AGBL4: variants seen among roughly 807,000 people sequenced by gnomAD.
The protein encoded by AGBL4 is cytosolic carboxypeptidase 6.
Under a neutral mutation model 66.4 loss-of-function variants are expected in AGBL4, and 58 were observed. The ratio of observed to expected loss-of-function variants is 0.87; its 90% CI spans 0.71 to 1.09. The LOEUF (loss-of-function observed/expected upper bound fraction) is 1.09, where lower values mean the gene tolerates loss of function less well. AGBL4 is among the 50% of genes least tolerant of loss of function. The pLI is 0.00. For missense variants in AGBL4, 579 were observed against 631.0 expected (o/e 0.92, Z 0.88); for synonymous variants, 234 against 222.9 (o/e 1.05, Z -0.44).
intron 1 of AGBL4, among the ~76,000 whole-genome samples, chr1:50,000,719 C>A (rs1023818282): frequency 2.0e-5 from 3 of 152,056 alleles, no homozygotes; most frequent in African/African-American, 7.2e-5. Flanking sequence ...ATATATACAC[C>A]ATGGAATACT....
At chr1:49,377,789 TA>T (rs1644502612) in intron 3 of AGBL4, among the ~76,000 whole-genome samples, 1 of 152,042 alleles carries the variant, frequency 6.6e-6, no homozygotes, top group Admixed American at 6.6e-5. Context: ...TGAGCTAAGA[TA>T]ATTCAAATGT....
At chr1:48,819,922 A>C (rs2148768882) in intron 6 of AGBL4, among the ~76,000 whole-genome samples, 1 of 152,300 alleles carries the variant, frequency 6.6e-6, no homozygotes, top group East Asian at 1.9e-4. Flanking sequence ...ATTGAGCCTA[A>C]AATGGGCTCT....
At chr1:48,866,190 C>A (rs1373194321) in intron 6 of AGBL4, among the ~76,000 whole-genome samples, 1 of 152,186 alleles carries the variant, frequency 6.6e-6, no homozygotes, top group Non-Finnish European at 1.5e-5. Context: ...ATATCTCAGT[C>A]TCTTTGAAAG....
At chr1:48,681,765 C>T (rs1570239203) in intron 6 of AGBL4, among the ~76,000 whole-genome samples, 2 of 152,228 alleles carry the variant, frequency 1.3e-5, no homozygotes, top group African/African-American at 4.8e-5. Context: ...GATGCGTTAC[C>T]TCACTCTTGG....
chr1:49,098,397 A>AGACCCAATATAGCACTGAGAAT, intron 4 of AGBL4, among the ~76,000 whole-genome samples: 1 of 152,178 alleles, frequency 6.6e-6, no homozygotes, highest in Non-Finnish European at 1.5e-5. Context: ...GCACTGAGAA[A>AGACCCAATATAGCACTGAGAAT]AGTCCCAGAG....
chr1:48,773,335 T>G (rs1200536856), intron 6 of AGBL4, among the ~76,000 whole-genome samples: 2 of 152,104 alleles, frequency 1.3e-5, no homozygotes, highest in Non-Finnish European at 2.9e-5. Flanking sequence ...AATGAGTAGT[T>G]CTCACTTTCA....
intron 4 of AGBL4, among the ~76,000 whole-genome samples, chr1:49,135,680 T>TCG (rs1645996945): frequency 6.6e-6 from 1 of 152,198 alleles, no homozygotes; most frequent in Admixed American, 6.6e-5. Context: ...AAGGCACAGA[T>TCG]CGCTCATGCT....
At chr1:48,538,410 G>A (rs1464288411) in intron 12 of AGBL4, among the ~76,000 whole-genome samples, 1 of 152,166 alleles carries the variant, frequency 6.6e-6, no homozygotes, top group Admixed American at 6.5e-5. Flanking sequence ...CCCATTTATA[G>A]GTAAGTAGAA....
intron 2 of AGBL4, among the ~76,000 whole-genome samples, chr1:49,754,273 T>A (rs1055125905): frequency 7.4e-5 from 11 of 149,620 alleles, no homozygotes; most frequent in Non-Finnish European, 1.0e-4. Context: ...GTTCTTTTTT[T>A]TTTTTATTTT....
intron 6 of AGBL4, among the ~76,000 whole-genome samples, chr1:48,862,619 A>G (rs1237111040): frequency 6.6e-6 from 1 of 152,116 alleles, no homozygotes; most frequent in Non-Finnish European, 1.5e-5. Flanking sequence ...CTGTGCCCAG[A>G]CTAAAAGTCA....
chr1:48,694,814 A>C (rs1434395454), intron 6 of AGBL4, among the ~76,000 whole-genome samples: 1 of 151,366 alleles, frequency 6.6e-6, no homozygotes, highest in Non-Finnish European at 1.5e-5. Context: ...CAGCTGCCCG[A>C]CCCCCAATAA....
intron 3 of AGBL4, among the ~76,000 whole-genome samples, chr1:49,505,142 TTA>T (rs1025397268): frequency 3.3e-5 from 5 of 152,072 alleles, no homozygotes; most frequent in African/African-American, 1.2e-4. Flanking sequence ...AACTCCCATT[TTA>T]TGTTTTTGAT....
intron 2 of AGBL4, among the ~76,000 whole-genome samples, chr1:49,833,919 T>C (rs1645773405): frequency 6.6e-6 from 1 of 152,150 alleles, no homozygotes; most frequent in Non-Finnish European, 1.5e-5. Flanking sequence ...TTTCTAGATA[T>C]ACAATCATGT....
chr1:49,567,825 C>T (rs1449239689), intron 3 of AGBL4, among the ~76,000 whole-genome samples: 1 of 152,148 alleles, frequency 6.6e-6, no homozygotes, highest in Non-Finnish European at 1.5e-5. Flanking sequence ...TGCAAATAAA[C>T]AAATGCAACT....
At chr1:49,282,778 G>A (rs932820497) in intron 3 of AGBL4, among the ~76,000 whole-genome samples, 8 of 152,270 alleles carry the variant, frequency 5.3e-5, no homozygotes, top group South Asian at 2.1e-4. Flanking sequence ...CTGGAAAATC[G>A]GGTCACTCCC....
intron 4 of AGBL4, among the ~76,000 whole-genome samples, chr1:49,088,314 G>A (rs1644943276): frequency 1.3e-5 from 2 of 152,022 alleles, no homozygotes; most frequent in South Asian, 2.1e-4. Flanking sequence ...ATGCCCAACC[G>A]TATGCTGTCT....
chr1:49,932,351 A>T (rs1653453615), intron 1 of AGBL4, among the ~76,000 whole-genome samples: 1 of 152,172 alleles, frequency 6.6e-6, no homozygotes, highest in African/African-American at 2.4e-5. Flanking sequence ...CCTTATAAAA[A>T]TGTTATTTAA....
Position 49,092,935 on chromosome 1 carries a change from C to T in AGBL4, c.378-47135G>A, listed in dbSNP as rs186011296. ...TAAAGGAGGCCTTTTGTGAAGATGA[C>T]CTTTAGGTTTTGGTTCTATTCAGTT... On this transcript the variant is annotated intron_variant, in intron 4 of 13. Coordinates refer to ENST00000371839, the MANE Select transcript of AGBL4 (RefSeq NM_032785.4). 1.6e-3 allele frequency among the ~76,000 whole-genome samples: 247 copies of T among 152,132 alleles called. 1 individual carries two copies. Among genetic ancestry groups the T allele is most frequent in the Non-Finnish European group, 3.0e-3 (204 of 67,978 alleles).
At chr1:48,623,220 G>T (rs1050691547) in intron 9 of AGBL4, among the ~76,000 whole-genome samples, 6 of 152,242 alleles carry the variant, frequency 3.9e-5, no homozygotes, top group Admixed American at 2.6e-4. Context: ...TTCTTTTGAA[G>T]ATTACTGTTT....
Sources: gnomAD v4.1 joint callset for allele counts (sites outside exome capture counted in the v4.1 genomes callset) on GRCh38, gnomAD v4.1.1 for gene constraint, MANE v1.5 for transcripts, NCBI Gene and HGNC (gene_info 2026-07-23, HGNC 2026-07-21) for gene names.